Variants in DLG2 observed in about 807,000 individuals in gnomAD.
DLG2 encodes the protein discs large MAGUK scaffold protein 2.
DLG2 carries 45 observed loss-of-function variants against 132.5 expected under a neutral mutation model. That is an observed-to-expected ratio of 0.34 (90% confidence interval 0.27 to 0.44). The LOEUF (loss-of-function observed/expected upper bound fraction) is 0.44, where lower values mean the gene tolerates loss of function less well. Among genes scored for constraint, DLG2 ranks in the 20% least tolerant of loss-of-function variants. The pLI is 1.00. For missense variants in DLG2, 1,045 were observed against 1,196.9 expected (o/e 0.87, Z 1.87); for synonymous variants, 424 against 419.6 (o/e 1.01, Z -0.13).
chr11:83,954,445 G>T (rs1483403), intron 14 of DLG2, among the ~76,000 whole-genome samples: 15,302 of 152,046 alleles, frequency 0.1, 848 homozygotes, highest in Non-Finnish European at 0.12. Context: ...TGATCTATCT[G>T]TCTCACTAGT....
chr11:85,115,490 T>C (rs1594414205), intron 5 of DLG2, among the ~76,000 whole-genome samples: 1 of 151,976 alleles, frequency 6.6e-6, no homozygotes, highest in African/African-American at 2.4e-5. Context: ...TATAAAGCAA[T>C]ATTACTGATA....
At chr11:83,768,194 G>A (rs191847604) in intron 18 of DLG2, among the ~76,000 whole-genome samples, 2 of 152,012 alleles carry the variant, frequency 1.3e-5, no homozygotes, top group Non-Finnish European at 2.9e-5. Flanking sequence ...AAGTCAGACT[G>A]ATTATAACCT....
At chr11:84,221,524 G>A (rs2096916402) in intron 8 of DLG2, among the ~76,000 whole-genome samples, 1 of 152,094 alleles carries the variant, frequency 6.6e-6, no homozygotes, top group African/African-American at 2.4e-5. Flanking sequence ...TCTATGTAAA[G>A]TGCTAAGTAG....
intron 22 of DLG2, 41 bp downstream of exon 22, chr11:83,484,088 T>C: frequency 3.2e-6 from 5 of 1,555,160 alleles, no homozygotes; most frequent in Non-Finnish European, 4.4e-6. Flanking sequence ...ATTTTTTTTC[T>C]CTTATGTTGC....
intron 11 of DLG2, among the ~76,000 whole-genome samples, chr11:84,026,371 G>T (rs2095535267): frequency 6.6e-6 from 1 of 152,036 alleles, no homozygotes; most frequent in Non-Finnish European, 1.5e-5. Flanking sequence ...TTAGGGGAAA[G>T]GTAGTTAGTA....
At chr11:83,787,616 C>T (rs528442323) in intron 17 of DLG2, among the ~76,000 whole-genome samples, 122 of 152,186 alleles carry the variant, frequency 8.0e-4, no homozygotes, top group South Asian at 6.0e-3. Context: ...CCACCGCGCC[C>T]GGCCGCCTTG....
At chr11:84,927,102 C>T (rs1176146580) in intron 6 of DLG2, among the ~76,000 whole-genome samples, 1 of 151,828 alleles carries the variant, frequency 6.6e-6, no homozygotes, top group Non-Finnish European at 1.5e-5. Flanking sequence ...TAACAGTGGG[C>T]ATGTAATACT....
chr11:84,661,182 T>G (rs1053290395), intron 6 of DLG2, among the ~76,000 whole-genome samples: 6 of 152,230 alleles, frequency 3.9e-5, no homozygotes, highest in Admixed American at 3.9e-4. Flanking sequence ...TAATCATGCC[T>G]TTGCAGGTAG....
At chr11:85,351,958 T>A (rs1596453269) in intron 3 of DLG2, among the ~76,000 whole-genome samples, 1 of 152,196 alleles carries the variant, frequency 6.6e-6, no homozygotes, top group Admixed American at 6.5e-5. Flanking sequence ...CTTTTGCTAT[T>A]GATTGGAATA....
rs150041408 is a variant in DLG2, at chr11:85,386,370, A to C, written c.41-101005T>G. 2.4e-3 allele frequency among the ~76,000 whole-genome samples: 369 copies of C among 152,282 alleles called. 4 individuals are homozygous for C. Among genetic ancestry groups the C allele is most frequent in the African/African-American group, 8.5e-3 (354 of 41,574 alleles). On this transcript the variant is annotated intron_variant, in intron 3 of 27. Transcript: ENST00000376104. ...ATAGTTTGATCAAAGCTTCACAATT[A>C]ATAAGTGACAGAACTAGGATTTGAA... is the stretch of plus-strand genomic sequence containing the variant.
chr11:84,127,099 T>C (rs1378478457), intron 9 of DLG2, among the ~76,000 whole-genome samples: 1 of 152,192 alleles, frequency 6.6e-6, no homozygotes, highest in African/African-American at 2.4e-5. Context: ...AATTTTTGTA[T>C]AATCTAGGAC....
chr11:83,950,332 C>T (rs745965043), intron 14 of DLG2, among the ~76,000 whole-genome samples: 33 of 152,160 alleles, frequency 2.2e-4, no homozygotes, highest in Non-Finnish European at 3.8e-4. Flanking sequence ...CAGTGGCTCA[C>T]GCCTGTAATC....
intron 6 of DLG2, among the ~76,000 whole-genome samples, chr11:84,758,207 T>C (rs929390309): frequency 6.6e-6 from 1 of 152,222 alleles, no homozygotes; most frequent in Non-Finnish European, 1.5e-5. Flanking sequence ...TGTACTGTTT[T>C]GGGCAAAATT....
At chr11:83,928,020 T>C (rs2079318148) in intron 15 of DLG2, among the ~76,000 whole-genome samples, 1 of 152,110 alleles carries the variant, frequency 6.6e-6, no homozygotes, top group East Asian at 1.9e-4. Flanking sequence ...GAAATTAAGA[T>C]TTTTGGTGTC....
At chr11:85,000,824 T>A (rs991343137) in intron 6 of DLG2, among the ~76,000 whole-genome samples, 6 of 152,166 alleles carry the variant, frequency 3.9e-5, no homozygotes, top group African/African-American at 1.4e-4. Context: ...TTTTGAAGAA[T>A]AAATTACACG....
Position 84,373,258 on chromosome 11 carries a change from A to AAAAAAC in DLG2, c.520-121968_520-121967insGTTTTT, listed in dbSNP as rs1567448677. On this transcript the variant is annotated intron_variant, in intron 7 of 27. Coordinates refer to ENST00000376104, the MANE Select transcript of DLG2 (RefSeq NM_001142699.3). Reference sequence around the variant, plus strand: ...CCAATTAAGAAACAGTCAAAAAAAAAAAAAAACAAAACAAAAAAAAAACCC... The same window carrying AAAAAAC: ...CCAATTAAGAAACAGTCAAAAAAAAAAAAAACAAAAAACAAAACAAAAAAAAAACCC... Among the ~76,000 whole-genome samples the AAAAAAC allele has an allele frequency of 2.5e-4, 25 of 99,156 alleles. 1 individual carries two copies. The South Asian group carries it at 9.4e-3, about 37-fold the overall frequency. The allele number at this position is 99,156 out of a possible 152,430, so 65.1% of individuals were successfully genotyped here. A position where few individuals can be genotyped will look rare whatever the true frequency, so the allele number is the denominator to read the frequency against.
At chr11:84,820,390 A>AC (rs1455859538) in intron 6 of DLG2, among the ~76,000 whole-genome samples, 6 of 151,840 alleles carry the variant, frequency 4.0e-5, no homozygotes, top group South Asian at 4.2e-4. Flanking sequence ...TTTATCTTCT[A>AC]CATTGCTGCT....
chr11:83,686,001 C>T (rs941035180), intron 18 of DLG2, among the ~76,000 whole-genome samples: 2 of 151,848 alleles, frequency 1.3e-5, no homozygotes, highest in African/African-American at 2.4e-5. Context: ...CAAAATGTAC[C>T]CTCTGTCTTT....
chr11:85,008,907 T>C (rs958410378), intron 6 of DLG2, among the ~76,000 whole-genome samples: 2 of 151,990 alleles, frequency 1.3e-5, no homozygotes, highest in Non-Finnish European at 2.9e-5. Flanking sequence ...ATATTTCAAG[T>C]TCAGTGGTAG....
Sources: gnomAD v4.1 joint callset for allele counts (sites outside exome capture counted in the v4.1 genomes callset) on GRCh38, gnomAD v4.1.1 for gene constraint, MANE v1.5 for transcripts, NCBI Gene and HGNC (gene_info 2026-07-23, HGNC 2026-07-21) for gene names.